ICA1L: variants seen among roughly 807,000 people sequenced by gnomAD.
The protein encoded by ICA1L is islet cell autoantigen 1 like.
A neutral mutation model predicts 61.3 loss-of-function variants in ICA1L; 50 were observed. The observed-to-expected ratio is 0.82, with a 90% CI of 0.65 to 1.03. ICA1L has a LOEUF of 1.03. ICA1L is among the 50% of genes least tolerant of loss of function. ICA1L has a pLI of 0.00. For synonymous variants in ICA1L, 161 were observed against 191.3 expected, an observed-to-expected ratio of 0.84 and a Z score of 1.31; for missense variants, 508 against 556.7, an observed-to-expected ratio of 0.91 and a Z score of 0.88.
In ICA1L at chr2:202,779,080, T is replaced by TATTTC. The variant is rs1692314561; in HGVS notation, c.*448_*452dup. On this transcript the variant is annotated 3_prime_UTR_variant, in exon 13 of 13. Coordinates refer to ENST00000358299, the MANE Select transcript of ICA1L (RefSeq NM_001288622.3). The stretch of plus-strand genomic sequence containing the variant: ...CAAAACAGAAAATCCTCCTCGCTAC[T>TATTTC]ATTTCATTTAAAAACTGACCCCAAA... 1 of 152,992 alleles carries TATTTC rather than the reference T, an allele frequency of 6.5e-6. No homozygotes were observed. Among genetic ancestry groups the TATTTC allele is most frequent in the South Asian group, 2.1e-4 (1 of 4,858 alleles). The allele number at this position is 152,992 out of a possible 1,614,324, so 9.5% of individuals were successfully genotyped here.
intron 10 of ICA1L, among the ~76,000 whole-genome samples, chr2:202,792,559 CTT>C (rs1203512964): frequency 6.6e-6 from 1 of 152,154 alleles, no homozygotes; most frequent in African/African-American, 2.4e-5. Flanking sequence ...AATTCCAGCA[CTT>C]TGTGAGGCTG....
Position 202,806,618 on chromosome 2 carries a change from C to T in ICA1L, c.910+5128G>A, listed in dbSNP as rs180708670. On this transcript the variant is annotated intron_variant, in intron 9 of 12. Coordinates refer to ENST00000358299, the MANE Select transcript of ICA1L (RefSeq NM_001288622.3). ...CCATGATTGCACCACTGCACTCCGA[C>T]GTGGCTGACAGGAGTGAGACTCTGT... Among the ~76,000 whole-genome samples the T allele has an allele frequency of 1.6e-4, 24 of 149,250 alleles. No homozygotes were observed. The East Asian group carries it at 2.4e-3, about 15-fold the overall frequency.
chr2:202,841,683 C>T (rs569436098), intron 1 of ICA1L: 94 of 541,978 alleles, frequency 1.7e-4, no homozygotes, highest in Admixed American at 1.1e-3. Flanking sequence ...ATGCAGGCAC[C>T]GGGCCCACGC....
chr2:202,793,296 TAG>T (rs568659518), intron 10 of ICA1L, among the ~76,000 whole-genome samples: 40 of 151,792 alleles, frequency 2.6e-4, no homozygotes, highest in Non-Finnish European at 5.1e-4. Flanking sequence ...CTGATTTCTA[TAG>T]AGAGAGACAA....
In ICA1L at chr2:202,841,518, G is replaced by C. The variant is rs1299617891; in HGVS notation, c.-7-12502C>G. The C allele has an allele frequency of 4.4e-5, 32 of 733,636 alleles. No homozygotes were observed. In the South Asian group the frequency reaches 4.4e-4, roughly 10 times the overall value. 45.4% of individuals were successfully genotyped at this position (733,636 alleles called of 1,614,324 possible). A position where few individuals can be genotyped will look rare whatever the true frequency, so the allele number is the denominator to read the frequency against. On this transcript the variant is annotated intron_variant, in intron 1 of 12. Transcript: ENST00000358299. Reference sequence around the variant, plus strand: ...TCCTTCTCCTGGGTGCACACGGCCTGGATGTTGGGTTCCACCTCCAGGTTA... The same window carrying C: ...TCCTTCTCCTGGGTGCACACGGCCTCGATGTTGGGTTCCACCTCCAGGTTA...
intron 1 of ICA1L, among the ~76,000 whole-genome samples, chr2:202,863,586 A>C (rs764031883): frequency 3.3e-4 from 50 of 152,108 alleles, no homozygotes; most frequent in Non-Finnish European, 6.8e-4. Flanking sequence ...GCACTTTGGA[A>C]GGCTGAGGTG....
In ICA1L at chr2:202,779,238, G is replaced by A. The variant is rs894824487; in HGVS notation, c.*295C>T. 2.2e-5 allele frequency: 6 copies of A among 276,194 alleles called. No homozygotes were observed. Among genetic ancestry groups the A allele is most frequent in the East Asian group, 6.6e-5 (1 of 15,196 alleles). 17.1% of individuals were successfully genotyped at this position (276,194 alleles called of 1,614,324 possible). ...CATATTGACAGAATTATTCCTAGCC[G>A]TTATTTTGACATAAATTTCAGTATC... On this transcript the variant is annotated 3_prime_UTR_variant, in exon 13 of 13. Coordinates refer to ENST00000358299, the MANE Select transcript of ICA1L (RefSeq NM_001288622.3).
At chr2:202,842,543 G>GTA (rs1416831847) in intron 1 of ICA1L, among the ~76,000 whole-genome samples, 2 of 152,132 alleles carry the variant, frequency 1.3e-5, no homozygotes, top group African/African-American at 4.8e-5. Context: ...GAACTCCTTT[G>GTA]TATGTGATTT....
intron 9 of ICA1L, 36 bp downstream of exon 9, chr2:202,811,702 ATTTAAAAT>A (rs1438588369): frequency 1.5e-6 from 2 of 1,311,912 alleles, no homozygotes; most frequent in Non-Finnish European, 2.2e-6. Flanking sequence ...CTATTTTGAC[ATTTAAAAT>A]GTGACCATTT....
intron 1 of ICA1L, among the ~76,000 whole-genome samples, chr2:202,863,609 G>A (rs1483567105): frequency 1.3e-5 from 2 of 152,074 alleles, no homozygotes; most frequent in Non-Finnish European, 2.9e-5. Flanking sequence ...CGGATCACGA[G>A]GTCAGGAGAT....
chr2:202,794,264 T>G (rs1692848139), intron 10 of ICA1L, among the ~76,000 whole-genome samples: 1 of 149,454 alleles, frequency 6.7e-6, no homozygotes, highest in Admixed American at 6.8e-5. Context: ...GAGAATCGCT[T>G]GAACCCAGGA....
chr2:202,817,942 A>G (rs1399350925), intron 5 of ICA1L, among the ~76,000 whole-genome samples: 1 of 152,254 alleles, frequency 6.6e-6, no homozygotes, highest in African/African-American at 2.4e-5. Context: ...AATCATGCAG[A>G]TATTTATAAA....
chr2:202,827,225 C>A (rs1212468731), intron 2 of ICA1L, among the ~76,000 whole-genome samples: 3 of 152,116 alleles, frequency 2.0e-5, no homozygotes. Context: ...GAAACCCTGT[C>A]TCTACTAAAA....
At position 202,773,544 on chromosome 2, in the gene ICA1L, G is replaced by A; in HGVS notation, c.*5989C>T. 1 of 381,358 alleles carries A rather than the reference G, an allele frequency of 2.6e-6. No individual in the cohort carries two copies. The highest frequency in any genetic ancestry group is 4.7e-6 in the Non-Finnish European group (1 of 211,932). The allele number at this position is 381,358 out of a possible 1,614,324, so 23.6% of individuals were successfully genotyped here. ...ATGTCAGAGCCTTCAAAAAACACGG[G>A]CAGAACAAGAGTACAATAAAAGAAG... On this transcript the variant is annotated 3_prime_UTR_variant, in exon 13 of 13. Transcript: ENST00000358299.
chr2:202,864,435 C>T (rs1157119886), intron 1 of ICA1L, among the ~76,000 whole-genome samples: 1 of 151,902 alleles, frequency 6.6e-6, no homozygotes, highest in Non-Finnish European at 1.5e-5. Context: ...TTAGTAGAGA[C>T]GGGGTTTCAC....
chr2:202,868,254 G>A (rs1559153854), intron 1 of ICA1L, among the ~76,000 whole-genome samples: 1 of 152,174 alleles, frequency 6.6e-6, no homozygotes, highest in Non-Finnish European at 1.5e-5. Context: ...GAGCAGGAAT[G>A]AATTCTCAAC....
intron 2 of ICA1L, among the ~76,000 whole-genome samples, chr2:202,828,302 A>G (rs898184991): frequency 1.3e-5 from 2 of 150,778 alleles, no homozygotes; most frequent in Non-Finnish European, 3.0e-5. Flanking sequence ...ATTCATTTAT[A>G]TTACACTCTT....
At chr2:202,835,215 CTTTT>C (rs544503963) in intron 1 of ICA1L, among the ~76,000 whole-genome samples, 12 of 120,642 alleles carry the variant, frequency 9.9e-5, no homozygotes, top group African/African-American at 2.5e-4. Context: ...TGATTTCTTC[CTTTT>C]TTTTTTTTTT....
intron 4 of ICA1L, chr2:202,820,102 G>A (rs1217551332): frequency 1.5e-5 from 8 of 538,068 alleles, no homozygotes; most frequent in Non-Finnish European, 2.7e-5. Flanking sequence ...GGCCGGGCGC[G>A]GTGGCTGACG....
Sources: gnomAD v4.1 joint callset for allele counts (sites outside exome capture counted in the v4.1 genomes callset) on GRCh38, gnomAD v4.1.1 for gene constraint, MANE v1.5 for transcripts, NCBI Gene and HGNC (gene_info 2026-07-23, HGNC 2026-07-21) for gene names.